The following CCSER1 variants were observed in gnomAD, a reference collection of about 807,000 sequenced individuals.
CCSER1 encodes the protein serine-rich coiled-coil domain-containing protein 1.
CCSER1 carries 41 observed loss-of-function variants against 82.0 expected under a neutral mutation model. That is an observed-to-expected ratio of 0.50 (90% confidence interval 0.39 to 0.65). The LOEUF is 0.65. CCSER1 is among the 30% of genes least tolerant of loss of function. CCSER1 has a pLI of 0.00. For synonymous variants in CCSER1, 414 were observed against 383.9 expected, an observed-to-expected ratio of 1.08 and a Z score of -0.92; for missense variants, 1,119 against 1,064.2, an observed-to-expected ratio of 1.05 and a Z score of -0.72.
rs114286556 is a variant in CCSER1, at chr4:91,148,029, T to G, written c.2217+62035T>G. 3.7e-3 allele frequency among the ~76,000 whole-genome samples: 558 copies of G among 152,348 alleles called. 1 individual carries two copies. The highest frequency in any genetic ancestry group is 0.01 in the Middle Eastern group (3 of 294). Reference sequence around the variant, plus strand: ...AATGTATCTACCTAGAATTCAAGATTATTTTATTTGCTTGATTTTACCATA... The same window carrying G: ...AATGTATCTACCTAGAATTCAAGATGATTTTATTTGCTTGATTTTACCATA... On this transcript the variant is annotated intron_variant, in intron 10 of 10. Transcript: ENST00000509176.
At chr4:90,782,863 G>A (rs1375547212) in intron 7 of CCSER1, among the ~76,000 whole-genome samples, 1 of 151,712 alleles carries the variant, frequency 6.6e-6, no homozygotes, top group Non-Finnish European at 1.5e-5. Context: ...TCTGTTTTTA[G>A]TAGAGATGGG....
intron 10 of CCSER1, among the ~76,000 whole-genome samples, chr4:91,298,467 T>C (rs1257332749): frequency 6.6e-6 from 1 of 151,908 alleles, no homozygotes; most frequent in Admixed American, 6.6e-5. Flanking sequence ...CCTTTTACCT[T>C]CAAAATTTTA....
chr4:90,418,526 A>G (rs1578379249), intron 4 of CCSER1, among the ~76,000 whole-genome samples: 1 of 152,184 alleles, frequency 6.6e-6, no homozygotes, highest in East Asian at 1.9e-4. Context: ...TTTATGAGGT[A>G]AATAACATCA....
At chr4:90,943,170 T>A (rs548134432) in intron 9 of CCSER1, among the ~76,000 whole-genome samples, 1 of 152,132 alleles carries the variant, frequency 6.6e-6, no homozygotes, top group Admixed American at 6.5e-5. Flanking sequence ...AAGAAATTTC[T>A]GTGTACATTT....
At chr4:90,962,541 C>T (rs960258441) in intron 9 of CCSER1, among the ~76,000 whole-genome samples, 3 of 152,064 alleles carry the variant, frequency 2.0e-5, no homozygotes, top group African/African-American at 4.8e-5. Context: ...TGTAAACTTG[C>T]TTCTCAGAAT....
At chr4:91,397,188 G>A (rs767356747) in intron 10 of CCSER1, among the ~76,000 whole-genome samples, 1 of 151,894 alleles carries the variant, frequency 6.6e-6, no homozygotes, top group Admixed American at 6.6e-5. Flanking sequence ...ATTTATTTCT[G>A]CATTTAAGAA....
At chr4:91,337,122 C>T (rs1747376242) in intron 10 of CCSER1, among the ~76,000 whole-genome samples, 1 of 152,042 alleles carries the variant, frequency 6.6e-6, no homozygotes, top group Non-Finnish European at 1.5e-5. Context: ...AAAGTCTGCA[C>T]ATTTTCAGAA....
rs116023332 is a variant in CCSER1, at chr4:91,145,200, C to T, written c.2217+59206C>T. On this transcript the variant is annotated intron_variant, in intron 10 of 10. Coordinates refer to ENST00000509176, the MANE Select transcript of CCSER1 (RefSeq NM_001145065.2). ...CTTTTTGTTCAATTGAAACTAATAT[C>T]GTTATGTAATGCTCTTCATTGTCTT... Among the ~76,000 whole-genome samples, 330 of 152,146 alleles carry T rather than the reference C, an allele frequency of 2.2e-3. 3 individuals carry two copies. Among genetic ancestry groups the T allele is most frequent in the African/African-American group, 7.5e-3 (311 of 41,536 alleles).
At chr4:90,932,972 A>AGAGAGAGAGAGAG in intron 9 of CCSER1, among the ~76,000 whole-genome samples, 1 of 40,104 alleles carries the variant, frequency 2.5e-5, no homozygotes, top group East Asian at 5.2e-4. Flanking sequence ...GAAAGAAAGA[A>AGAGAGAGAGAGAG]AGAAAGAAAG....
At chr4:91,146,585 T>C (rs1729564550) in intron 10 of CCSER1, among the ~76,000 whole-genome samples, 1 of 152,012 alleles carries the variant, frequency 6.6e-6, no homozygotes, top group South Asian at 2.1e-4. Context: ...TTCTTCTTTT[T>C]TTTTTGAAAT....
At chr4:91,096,545 C>T (rs1466861807) in intron 10 of CCSER1, among the ~76,000 whole-genome samples, 1 of 152,188 alleles carries the variant, frequency 6.6e-6, no homozygotes, top group African/African-American at 2.4e-5. Flanking sequence ...TCCTGGCTTG[C>T]CAGTTACTTT....
Position 90,141,957 on chromosome 4 carries a change from T to C in CCSER1, c.-42+14126T>C, listed in dbSNP as rs7693875. Among the ~76,000 whole-genome samples, 323 of 152,316 alleles carry C rather than the reference T, an allele frequency of 2.1e-3. 3 individuals are homozygous for C. Among genetic ancestry groups the C allele is most frequent in the African/African-American group, 7.2e-3 (300 of 41,568 alleles). ...TGTACTCGACCTTTGCAAAGGTGAT[T>C]CAATATATGCCCAGAGAGCCATGAC... is the stretch of plus-strand genomic sequence containing the variant. On this transcript the variant is annotated intron_variant, in intron 1 of 10. Transcript: ENST00000509176.
chr4:90,691,643 GTA>G (rs1735974823), intron 6 of CCSER1, among the ~76,000 whole-genome samples: 1 of 151,468 alleles, frequency 6.6e-6, no homozygotes, highest in African/African-American at 2.4e-5. Flanking sequence ...TATATCACAT[GTA>G]TATATACACA....
chr4:90,171,013 A>G (rs896563325), intron 1 of CCSER1, among the ~76,000 whole-genome samples: 1 of 151,810 alleles, frequency 6.6e-6, no homozygotes, highest in Admixed American at 6.6e-5. Flanking sequence ...ATTGTAACTC[A>G]AAGACAGGAT....
chr4:91,484,266 G>A (rs190818652), intron 10 of CCSER1, among the ~76,000 whole-genome samples: 1 of 152,148 alleles, frequency 6.6e-6, no homozygotes, highest in East Asian at 1.9e-4. Context: ...TTGAACTACT[G>A]CTCACTCTAT....
intron 9 of CCSER1, among the ~76,000 whole-genome samples, chr4:91,084,378 T>A (rs935850573): frequency 6.6e-6 from 1 of 152,318 alleles, no homozygotes; most frequent in Non-Finnish European, 1.5e-5. Flanking sequence ...TCTCATTTAA[T>A]CTTCCTAGCA....
intron 2 of CCSER1, among the ~76,000 whole-genome samples, chr4:90,309,899 G>A (rs1280227941): frequency 6.6e-6 from 1 of 152,108 alleles, no homozygotes; most frequent in East Asian, 1.9e-4. Context: ...AGCACCTTCA[G>A]AAGAAAGTGA....
chr4:90,847,410 G>T (rs1212742714), intron 8 of CCSER1, among the ~76,000 whole-genome samples: 5 of 152,144 alleles, frequency 3.3e-5, no homozygotes, highest in African/African-American at 1.2e-4. Flanking sequence ...TCTCCCTCAG[G>T]ATCTTGACCT....
intron 9 of CCSER1, among the ~76,000 whole-genome samples, chr4:91,046,686 TTTTTTG>T (rs1561499534): frequency 2.0e-5 from 3 of 151,850 alleles, no homozygotes; most frequent in African/African-American, 4.8e-5. Flanking sequence ...GGATAATATG[TTTTTTG>T]TTGTTGTTGT....
Sources: allele counts gnomAD v4.1 joint callset (sites outside exome capture counted in the v4.1 genomes callset), GRCh38; gene constraint gnomAD v4.1.1; transcripts MANE v1.5; gene names NCBI Gene and HGNC (gene_info 2026-07-23, HGNC 2026-07-21).